PDE4D: variants seen among roughly 807,000 people sequenced by gnomAD.
PDE4D encodes 3',5'-cyclic-AMP phosphodiesterase 4D.
In PDE4D, 24 loss-of-function variants were observed where a neutral mutation model predicts 87.4. The observed-to-expected ratio is 0.27, with a 90% CI of 0.20 to 0.39. The LOEUF is 0.39. Among genes scored for constraint, PDE4D ranks in the 10% least tolerant of loss-of-function variants. PDE4D has a pLI of 1.00. For synonymous variants in PDE4D, 384 were observed against 383.2 expected (o/e 1.00, Z -0.02); for missense variants, 714 against 1,041.0 (o/e 0.69, Z 4.32).
intron 3 of PDE4D, among the ~76,000 whole-genome samples, chr5:59,900,629 AG>A (rs1752160796): frequency 6.6e-6 from 1 of 152,220 alleles, no homozygotes; most frequent in South Asian, 2.1e-4. Context: ...GAACTTTCAA[AG>A]TGACAGATTT....
At chr5:59,105,186 G>T (rs1771393987) in intron 5 of PDE4D, among the ~76,000 whole-genome samples, 1 of 152,220 alleles carries the variant, frequency 6.6e-6, no homozygotes, top group South Asian at 2.1e-4. Flanking sequence ...CCAAAAAGAT[G>T]TGTGCTTAAC....
At chr5:59,582,139 C>A (rs1326291891) in intron 1 of PDE4D, among the ~76,000 whole-genome samples, 3 of 152,130 alleles carry the variant, frequency 2.0e-5, no homozygotes, top group Non-Finnish European at 2.9e-5. Flanking sequence ...GTTAAAGAAG[C>A]AAGGTCAGCT....
chr5:60,460,578 T>G, intron 1 of PDE4D: 1 of 1,317,274 alleles, frequency 7.6e-7, no homozygotes, highest in East Asian at 2.3e-5. Context: ...GTCTGTCTAT[T>G]TCATTTTGTA....
At chr5:59,334,183 T>C (rs943461441) in intron 1 of PDE4D, among the ~76,000 whole-genome samples, 2 of 151,820 alleles carry the variant, frequency 1.3e-5, no homozygotes, top group African/African-American at 4.8e-5. Context: ...GGCCACTTGT[T>C]TGATAATATC....
At chr5:59,441,929 A>G (rs190240333) in intron 1 of PDE4D, among the ~76,000 whole-genome samples, 2 of 152,318 alleles carry the variant, frequency 1.3e-5, no homozygotes, top group African/African-American at 4.8e-5. Context: ...TTCTTTATCT[A>G]TGTTGTTCAA....
Position 60,328,536 on chromosome 5 carries a change from C to T in PDE4D, c.-89-142849G>A, listed in dbSNP as rs189105708. Reference sequence around the variant, plus strand: ...TGTATAATATTTCACTATATATTTGCTATATGGCAGTTTAGGTATGCATTC... The same window carrying T: ...TGTATAATATTTCACTATATATTTGTTATATGGCAGTTTAGGTATGCATTC... On this transcript the variant is annotated intron_variant, in intron 1 of 16. Transcript: ENST00000502484. 3.1e-3 allele frequency among the ~76,000 whole-genome samples: 472 copies of T among 152,234 alleles called. 3 individuals carry two copies. The highest frequency in any genetic ancestry group is 0.011 in the African/African-American group (443 of 41,530).
intron 1 of PDE4D, among the ~76,000 whole-genome samples, chr5:59,639,106 T>A (rs959975195): frequency 6.6e-6 from 1 of 152,170 alleles, no homozygotes; most frequent in Non-Finnish European, 1.5e-5. Flanking sequence ...TCTATGCACA[T>A]TATTTAATAA....
intron 1 of PDE4D, among the ~76,000 whole-genome samples, chr5:59,522,907 A>G (rs1487477538): frequency 6.6e-6 from 1 of 152,216 alleles, no homozygotes; most frequent in African/African-American, 2.4e-5. Flanking sequence ...ACCATTTAGA[A>G]AAAGTTTTTA....
At chr5:59,833,549 G>C (rs1032188815) in intron 1 of PDE4D, among the ~76,000 whole-genome samples, 4 of 151,918 alleles carry the variant, frequency 2.6e-5, no homozygotes, top group Non-Finnish European at 4.4e-5. Flanking sequence ...GAAGCCATTG[G>C]GTTTACTGAG....
At chr5:59,160,765 A>C (rs933313942) in intron 5 of PDE4D, among the ~76,000 whole-genome samples, 7 of 152,142 alleles carry the variant, frequency 4.6e-5, no homozygotes, top group African/African-American at 1.7e-4. Flanking sequence ...TGGCAGGCGT[A>C]ATATGCCTGT....
intron 1 of PDE4D, among the ~76,000 whole-genome samples, chr5:59,700,785 C>T (rs1438120961): frequency 2.6e-5 from 4 of 152,242 alleles, no homozygotes; most frequent in African/African-American, 9.6e-5. Context: ...AGATCACATG[C>T]CAATCATATC....
chr5:60,305,708 T>TAAA (rs34949876), intron 1 of PDE4D, among the ~76,000 whole-genome samples: 5 of 141,692 alleles, frequency 3.5e-5, no homozygotes, highest in African/African-American at 1.3e-4. Context: ...ACTTCTTACT[T>TAAA]AAAAAAAAAA....
chr5:59,625,697 G>T (rs1478254219), intron 1 of PDE4D, among the ~76,000 whole-genome samples: 4 of 152,142 alleles, frequency 2.6e-5, no homozygotes, highest in Non-Finnish European at 5.9e-5. Context: ...GTTTGCTCAA[G>T]TGTAAATTAG....
chr5:59,837,759 C>T (rs950651867), intron 1 of PDE4D, among the ~76,000 whole-genome samples: 16 of 152,014 alleles, frequency 1.1e-4, no homozygotes, highest in Non-Finnish European at 2.2e-4. Context: ...CTAACAGATT[C>T]GAGAGTTTCC....
At chr5:59,149,441 C>T (rs562320442) in intron 5 of PDE4D, among the ~76,000 whole-genome samples, 1 of 152,254 alleles carries the variant, frequency 6.6e-6, no homozygotes, top group Admixed American at 6.5e-5. Context: ...TCCCAAACCG[C>T]AGAGAAGCTG....
At chr5:59,766,810 C>T (rs2152584540) in intron 1 of PDE4D, among the ~76,000 whole-genome samples, 1 of 152,322 alleles carries the variant, frequency 6.6e-6, no homozygotes, top group Middle Eastern at 3.4e-3. Flanking sequence ...AAAAGAAAAT[C>T]TTCCTCAAAG....
intron 1 of PDE4D, among the ~76,000 whole-genome samples, chr5:60,252,531 G>C (rs1372152603): frequency 2.0e-5 from 3 of 151,380 alleles, no homozygotes; most frequent in Admixed American, 6.6e-5. Flanking sequence ...GATAAACTAG[G>C]GTCAGTAGGT....
chr5:59,210,256 T>C (rs1374924041), intron 2 of PDE4D, among the ~76,000 whole-genome samples: 2 of 152,250 alleles, frequency 1.3e-5, no homozygotes, highest in Non-Finnish European at 2.9e-5. Flanking sequence ...TGTCTTTTTA[T>C]TTATATTCTT....
Position 60,067,934 on chromosome 5 carries a change from C to T in PDE4D, c.43-79217G>A, listed in dbSNP as rs564380308. Among the ~76,000 whole-genome samples the T allele has an allele frequency of 9.2e-5, 14 of 152,222 alleles. No individual in the cohort carries two copies. The South Asian group carries it at 2.3e-3, about 25-fold the overall frequency. The stretch of plus-strand genomic sequence containing the variant: ...TTTTTTAAGGCTGAATAATAGTCCA[C>T]TATTTATATACCATATTTTCTCATC... On this transcript the variant is annotated intron_variant, in intron 2 of 16. Transcript: ENST00000502484.
Sources: allele counts gnomAD v4.1 joint callset (sites outside exome capture counted in the v4.1 genomes callset), GRCh38; gene constraint gnomAD v4.1.1; transcripts MANE v1.5; gene names NCBI Gene and HGNC (gene_info 2026-07-23, HGNC 2026-07-21).